The following MALRD1 variants were observed in gnomAD, a reference collection of about 807,000 sequenced individuals.
MALRD1 encodes the protein MAM and LDL receptor class A domain containing 1.
A neutral mutation model predicts 242.1 loss-of-function variants in MALRD1; 247 were observed. That is an observed-to-expected ratio of 1.02 (90% CI 0.92 to 1.13). MALRD1 has a LOEUF of 1.13. Among genes scored for constraint, MALRD1 ranks in the 50% most tolerant of loss-of-function variants. The pLI is 0.00. For missense variants in MALRD1, 2,989 were observed against 2,533.1 expected (o/e 1.18, Z -3.86); for synonymous variants, 995 against 866.6 (o/e 1.15, Z -2.60).
Position 19,293,020 on chromosome 10 carries a change from T to C in MALRD1, c.3419+9839T>C, listed in dbSNP as rs115544771. ...AGTGAAGAGAAAATATTATAATTTTTTTCTGTAACGATAATAATTTTCAAA... is the reference window on the plus strand; with the variant it reads ...AGTGAAGAGAAAATATTATAATTTTCTTCTGTAACGATAATAATTTTCAAA... On this transcript the variant is annotated intron_variant, in intron 21 of 39. Coordinates refer to ENST00000454679, the MANE Select transcript of MALRD1 (RefSeq NM_001142308.3). 7.4e-3 allele frequency among the ~76,000 whole-genome samples: 1,133 copies of C among 152,248 alleles called. 14 individuals carry two copies. The highest frequency in any genetic ancestry group is 0.026 in the African/African-American group (1,080 of 41,534).
chr10:19,200,769 C>G (rs1356895932), intron 14 of MALRD1, among the ~76,000 whole-genome samples: 1 of 150,934 alleles, frequency 6.6e-6, no homozygotes, highest in Non-Finnish European at 1.5e-5. Flanking sequence ...TCCCCTGACG[C>G]CTTTTCTCCA....
At chr10:19,324,280 T>C (rs1843025000) in intron 22 of MALRD1, among the ~76,000 whole-genome samples, 175 bp downstream of exon 22, 1 of 152,212 alleles carries the variant, frequency 6.6e-6, no homozygotes, top group East Asian at 1.9e-4. Context: ...CATGAATAGC[T>C]AATAAGTAAT....
intron 36 of MALRD1, among the ~76,000 whole-genome samples, chr10:19,622,862 T>C (rs1186192607): frequency 6.6e-6 from 1 of 151,974 alleles, no homozygotes; most frequent in Non-Finnish European, 1.5e-5. Context: ...CAAGTACATA[T>C]GAAAATTTAG....
chr10:19,217,022 C>T (rs187072980), intron 18 of MALRD1, among the ~76,000 whole-genome samples: 25 of 151,978 alleles, frequency 1.6e-4, no homozygotes, highest in African/African-American at 6.0e-4. Context: ...CTTATATACA[C>T]GTTCTTTCTT....
At chr10:19,527,524 A>G (rs765468314) in intron 31 of MALRD1, among the ~76,000 whole-genome samples, 1 of 152,202 alleles carries the variant, frequency 6.6e-6, no homozygotes, top group Non-Finnish European at 1.5e-5. Flanking sequence ...TTTCAACATC[A>G]GGTTGACACT....
chr10:19,087,918 A>G lies in MALRD1; in HGVS notation c.419A>G (p.Asp140Gly), dbSNP rs1835728694. ...LRSRVFLPTN[D>G]QHDCQITFYY... is the part of the protein sequence containing the mutation. ...AGCAGAGTTTTCCTTCCAACAAATGATCAACATGACTGCCAGGTATTTGAA... is the reference window on the plus strand; with the variant it reads ...AGCAGAGTTTTCCTTCCAACAAATGGTCAACATGACTGCCAGGTATTTGAA... The change falls in exon 3 of 40, where the codon GAT becomes GGT. Residue 140 changes from aspartate (D) to glycine (G), a missense_variant. By Grantham distance (94) the Asp-to-Gly change is moderately conservative (BLOSUM62 -1). Coordinates refer to ENST00000454679, the MANE Select transcript of MALRD1 (RefSeq NM_001142308.3). 3 of 1,233,218 alleles carry G rather than the reference A, an allele frequency of 2.4e-6. No individual in the cohort carries two copies. The highest frequency in any genetic ancestry group is 4.1e-5 in the South Asian group (1 of 24,410). 76.4% of individuals were successfully genotyped at this position (1,233,218 alleles called of 1,614,324 possible). A position where few individuals can be genotyped will look rare whatever the true frequency, so the allele number is the denominator to read the frequency against.
At chr10:19,490,509 G>C (rs779902294) in intron 29 of MALRD1, among the ~76,000 whole-genome samples, 11 of 74,238 alleles carry the variant, frequency 1.5e-4, no homozygotes, top group South Asian at 6.4e-4. Context: ...AGTGGGGCGG[G>C]GGGGGGGCAG....
At chr10:19,143,941 C>A (rs150191437) in intron 10 of MALRD1, among the ~76,000 whole-genome samples, 2 of 152,250 alleles carry the variant, frequency 1.3e-5, no homozygotes, top group African/African-American at 4.8e-5. Context: ...ACAGAAGACA[C>A]TCTCCCCTGG....
intron 38 of MALRD1, among the ~76,000 whole-genome samples, chr10:19,704,987 AAAAG>A (rs979250009): frequency 2.0e-5 from 3 of 152,164 alleles, no homozygotes; most frequent in Non-Finnish European, 2.9e-5. Context: ...TCTCTACAAA[AAAAG>A]AAAGAAAGGT....
Position 19,692,245 on chromosome 10 carries a change from T to C in MALRD1, c.6138-37T>C, listed in dbSNP as rs763777414. On this transcript the variant is annotated intron_variant, in intron 36 of 39. Coordinates refer to ENST00000454679, the MANE Select transcript of MALRD1 (RefSeq NM_001142308.3). The stretch of plus-strand genomic sequence containing the variant: ...TTGTGTTCAAATATCTTTTCACTTT[T>C]CTTTTTTCCAACTATTTTATTTTAT... 3.9e-5 allele frequency: 56 copies of C among 1,450,068 alleles called. No homozygotes were observed. In the African/African-American group the frequency reaches 6.6e-4, roughly 17 times the overall value. The allele number at this position is 1,450,068 out of a possible 1,614,324, so 89.8% of individuals were successfully genotyped here.
chr10:19,566,390 T>C lies in MALRD1; in HGVS notation c.5479-1112T>C, dbSNP rs908584198. Among the ~76,000 whole-genome samples the C allele has an allele frequency of 1.0e-4, 15 of 150,234 alleles. No homozygotes were observed. In the Admixed American group the frequency reaches 1.0e-3, roughly 10 times the overall value. On this transcript the variant is annotated intron_variant, in intron 32 of 39. Coordinates refer to ENST00000454679, the MANE Select transcript of MALRD1 (RefSeq NM_001142308.3). ...TCCTGACCTCGTGATCTGCCCGCCTTGGCCTCCCAAAGTGCTGGGATTACA... is the reference window on the plus strand; with the variant it reads ...TCCTGACCTCGTGATCTGCCCGCCTCGGCCTCCCAAAGTGCTGGGATTACA...
At chr10:19,220,645 C>T (rs573295696) in intron 18 of MALRD1, among the ~76,000 whole-genome samples, 3 of 152,232 alleles carry the variant, frequency 2.0e-5, no homozygotes, top group East Asian at 3.9e-4. Flanking sequence ...GTTCTAGATA[C>T]TCCAGTGTTA....
chr10:19,709,243 T>TAAAA (rs557818453), intron 38 of MALRD1, among the ~76,000 whole-genome samples: 18 of 105,810 alleles, frequency 1.7e-4, no homozygotes, highest in East Asian at 5.7e-4. Context: ...CCGTCTGTAC[T>TAAAA]AAAAAAAAAA....
Position 19,084,494 on chromosome 10 carries a change from T to C in MALRD1, c.341-3346T>C, listed in dbSNP as rs534268786. On this transcript the variant is annotated intron_variant, in intron 2 of 39. Transcript: ENST00000454679. ...CCTTTTTTGAATTCCTTTGAGCCAA[T>C]TGGTTACTCTGTAGCATGCAACAGG... Among the ~76,000 whole-genome samples, 11 of 152,006 alleles carry C rather than the reference T, an allele frequency of 7.2e-5. No individual in the cohort carries two copies. The East Asian group carries it at 2.1e-3, about 30-fold the overall frequency.
chr10:19,633,176 A>T (rs912416943), intron 36 of MALRD1, among the ~76,000 whole-genome samples: 1 of 152,122 alleles, frequency 6.6e-6, no homozygotes, highest in Non-Finnish European at 1.5e-5. Flanking sequence ...GGTTACAGTG[A>T]GCCAAGATCG....
intron 32 of MALRD1, among the ~76,000 whole-genome samples, chr10:19,565,294 A>C (rs1249751568): frequency 2.6e-5 from 4 of 152,178 alleles, no homozygotes; most frequent in Admixed American, 2.6e-4. Context: ...AGGATTGAAG[A>C]TTAAAAAGAC....
At chr10:19,133,188 A>G (rs1833183544) in intron 8 of MALRD1, among the ~76,000 whole-genome samples, 1 of 152,166 alleles carries the variant, frequency 6.6e-6, no homozygotes, top group Non-Finnish European at 1.5e-5. Context: ...TGAATGCAGT[A>G]AAGGCTTGTT....
At chr10:19,369,296 G>A (rs1845261289) in intron 26 of MALRD1, among the ~76,000 whole-genome samples, 1 of 145,316 alleles carries the variant, frequency 6.9e-6, no homozygotes, top group African/African-American at 2.5e-5. Context: ...TATATATTAT[G>A]TGATATAAAT....
At chr10:19,203,172 C>T (rs960492594) in intron 14 of MALRD1, among the ~76,000 whole-genome samples, 3 of 142,910 alleles carry the variant, frequency 2.1e-5, no homozygotes, top group Admixed American at 7.0e-5. Context: ...GATTTATCTG[C>T]GTATTTATCT....
Sources: gnomAD v4.1 joint callset for allele counts (sites outside exome capture counted in the v4.1 genomes callset) on GRCh38, gnomAD v4.1.1 for gene constraint, MANE v1.5 for transcripts, NCBI Gene and HGNC (gene_info 2026-07-23, HGNC 2026-07-21) for gene names.